The following FGF13 variants were observed in gnomAD, a reference collection of about 807,000 sequenced individuals.
FGF13 encodes the protein fibroblast growth factor 13, also known as fibroblast growth factor homologous factor 2.
FGF13 carries 2 observed loss-of-function variants against 19.5 expected under a neutral mutation model. The observed-to-expected ratio is 0.10, with a 90% CI of 0.04 to 0.32. The LOEUF (loss-of-function observed/expected upper bound fraction) is 0.32, where lower values mean the gene tolerates loss of function less well. Ranked by LOEUF, FGF13 falls within the 10% of genes least tolerant of loss-of-function variation. FGF13 has a pLI of 1.00. For missense variants in FGF13, 113 were observed against 192.7 expected (o/e 0.59, Z 2.45); for synonymous variants, 72 against 76.9 (o/e 0.94, Z 0.33).
intron 1 of FGF13, among the ~76,000 whole-genome samples, chrX:139,171,146 C>A (rs756728281): frequency 9.0e-6 from 1 of 110,577 alleles, no homozygotes; most frequent in South Asian, 3.9e-4. Context: ...GAGCAGCCAA[C>A]TGGATTATGA....
intron 1 of FGF13, among the ~76,000 whole-genome samples, chrX:138,928,468 C>G (rs1044234275): frequency 1.8e-5 from 2 of 110,425 alleles, no homozygotes; most frequent in Non-Finnish European, 3.8e-5. Flanking sequence ...TGAATCTTTT[C>G]CATTTCGGCC....
At chrX:139,030,630 G>A (rs2092222882) in intron 1 of FGF13, among the ~76,000 whole-genome samples, 2 of 111,435 alleles carry the variant, frequency 1.8e-5, no homozygotes, top group South Asian at 7.5e-4. Context: ...TCAAGTTTCT[G>A]GCACCTCAGC....
chrX:139,194,127 T>C (rs1406540608), intron 1 of FGF13, among the ~76,000 whole-genome samples: 1 of 111,517 alleles, frequency 9.0e-6, no homozygotes, highest in Non-Finnish European at 1.9e-5. Context: ...CCACACCTAG[T>C]ATACACACTG....
rs764151731 is a variant in FGF13 at position 138,790,043 on chromosome X, C to CAAAAAA, written c.217+67463_217+67468dup. Reference sequence around the variant, plus strand: ...CTGGGTGACAGAGCGAGACTCCATTCAAAAAAAAAAAAAAAAAAAAAAAAA... The same window carrying CAAAAAA: ...CTGGGTGACAGAGCGAGACTCCATTCAAAAAAAAAAAAAAAAAAAAAAAAAAAAAAA... On this transcript the variant is annotated intron_variant, in intron 3 of 6. Transcript: ENST00000436198. Among the ~76,000 whole-genome samples the CAAAAAA allele has an allele frequency of 1.1e-3, 31 of 29,163 alleles. 4 individuals carry two copies. The highest frequency in any genetic ancestry group is 2.8e-3 in the African/African-American group (25 of 8,898). The allele number at this position is 29,163 out of a possible 115,157, so 25.3% of individuals were successfully genotyped here.
chrX:139,197,144 T>C (rs1484289142), intron 1 of FGF13, among the ~76,000 whole-genome samples: 1 of 112,240 alleles, frequency 8.9e-6, no homozygotes, highest in Non-Finnish European at 1.9e-5. Flanking sequence ...TGAGTTTTCA[T>C]AGGTGCATGG....
rs1253245493 is a variant in FGF13 at position 139,176,821 on chromosome X, T to TA, written c.-113+26594dup. Among the ~76,000 whole-genome samples, 6 of 111,851 alleles carry TA rather than the reference T, an allele frequency of 5.4e-5. No homozygotes were observed. The South Asian group carries it at 1.9e-3, about 35-fold the overall frequency. ...CTTTTGCATTTGCTGAGGAGTGTTT[T>TA]ACTTCCAATTATGTGATCGATTTTA... On this transcript the variant is annotated intron_variant, in intron 1 of 2. Transcript: ENST00000421460.
At chrX:138,895,448 A>G (rs1411504235) in intron 1 of FGF13, among the ~76,000 whole-genome samples, 1 of 112,341 alleles carries the variant, frequency 8.9e-6, no homozygotes, top group Non-Finnish European at 1.9e-5. Context: ...AAATTGGCCA[A>G]TAAGTATATG....
chrX:138,841,064 T>C (rs149899356), intron 3 of FGF13, among the ~76,000 whole-genome samples: 5 of 111,010 alleles, frequency 4.5e-5, no homozygotes, highest in African/African-American at 1.3e-4. Context: ...AAAGAGAATA[T>C]AGTTTTGTAC....
intron 1 of FGF13, among the ~76,000 whole-genome samples, chrX:139,066,044 A>C (rs780386693): frequency 8.9e-6 from 1 of 111,997 alleles, no homozygotes; most frequent in East Asian, 2.8e-4. Flanking sequence ...AACTACATGG[A>C]AACTGAACAA....
chrX:138,871,200 C>T (rs1183630807), intron 1 of FGF13, among the ~76,000 whole-genome samples: 1 of 112,415 alleles, frequency 8.9e-6, no homozygotes, highest in African/African-American at 3.2e-5. Context: ...ATTGACACAG[C>T]TTCACTGTAT....
At chrX:139,000,829 A>C (rs1017973081) in intron 1 of FGF13, among the ~76,000 whole-genome samples, 4 of 112,090 alleles carry the variant, frequency 3.6e-5, no homozygotes, top group Non-Finnish European at 7.5e-5. Context: ...AATTGGAAAA[A>C]AACAACTTTA....
chrX:138,932,739 T>TGTGTC (rs1263302875), intron 1 of FGF13, among the ~76,000 whole-genome samples: 1 of 109,049 alleles, frequency 9.2e-6, no homozygotes, highest in Non-Finnish European at 1.9e-5. Flanking sequence ...TGTGTGTGTG[T>TGTGTC]GTGTCTGTTA....
intron 1 of FGF13, among the ~76,000 whole-genome samples, chrX:138,990,802 C>T (rs1266786118): frequency 2.7e-5 from 3 of 111,993 alleles, no homozygotes; most frequent in Non-Finnish European, 5.6e-5. Flanking sequence ...CCTCCATTAC[C>T]TTATACAGCA....
intron 3 of FGF13, among the ~76,000 whole-genome samples, chrX:138,654,561 T>C (rs2089413821): frequency 9.0e-6 from 1 of 111,007 alleles, no homozygotes; most frequent in Non-Finnish European, 1.9e-5. Flanking sequence ...GTTAACATAG[T>C]AAAACCCCGT....
chrX:139,058,097 T>G (rs548779762), intron 1 of FGF13, among the ~76,000 whole-genome samples: 12 of 111,823 alleles, frequency 1.1e-4, no homozygotes, highest in South Asian at 3.8e-4. Flanking sequence ...CTATTTTGAT[T>G]TTCTGGGGGA....
At chrX:139,172,857 G>A (rs1256781445) in intron 1 of FGF13, among the ~76,000 whole-genome samples, 2 of 111,284 alleles carry the variant, frequency 1.8e-5, no homozygotes, top group African/African-American at 6.5e-5. Flanking sequence ...AGAACCAAAA[G>A]AGACTTTAAT....
intron 1 of FGF13, among the ~76,000 whole-genome samples, chrX:139,090,941 C>CAAAAAAAA (rs1181771963): frequency 6.1e-5 from 2 of 32,750 alleles, no homozygotes; most frequent in African/African-American, 2.2e-4. Context: ...GACCCTGTCT[C>CAAAAAAAA]AAAAAAAAAA....
At chrX:139,024,898 CT>C (rs1409985049) in intron 1 of FGF13, among the ~76,000 whole-genome samples, 1 of 110,681 alleles carries the variant, frequency 9.0e-6, no homozygotes, top group Non-Finnish European at 1.9e-5. Context: ...AACTATATAC[CT>C]CTCTAGGCCT....
intron 3 of FGF13, among the ~76,000 whole-genome samples, chrX:138,823,966 TC>T (rs2091016728): frequency 1.8e-5 from 2 of 112,083 alleles, no homozygotes; most frequent in Admixed American, 1.9e-4. Context: ...CCAATAGTCA[TC>T]CAGTCTCTAG....
Sources: allele counts gnomAD v4.1 joint callset (sites outside exome capture counted in the v4.1 genomes callset), GRCh38; gene constraint gnomAD v4.1.1; transcripts MANE v1.5; gene names NCBI Gene and HGNC (gene_info 2026-07-23, HGNC 2026-07-21).